HBS1L: variants seen among roughly 807,000 people sequenced by gnomAD.
The protein encoded by HBS1L is HBS1-like protein.
Under a neutral mutation model 88.9 loss-of-function variants are expected in HBS1L, and 55 were observed. The observed-to-expected ratio is 0.62, with a 90% CI of 0.50 to 0.77. HBS1L has a LOEUF of 0.77. Among genes scored for constraint, HBS1L ranks in the 30% least tolerant of loss-of-function variants. The pLI is 0.00. For synonymous variants in HBS1L, 267 were observed against 288.5 expected, an observed-to-expected ratio of 0.93 and a Z score of 0.76; for missense variants, 741 against 829.3, an observed-to-expected ratio of 0.89 and a Z score of 1.31.
intron 2 of HBS1L, 61 bp from the exon 3 acceptor site, chr6:135,042,187 A>G: frequency 2.1e-6 from 3 of 1,455,828 alleles, no homozygotes; most frequent in South Asian, 2.7e-5. Context: ...ACTTTTTTTT[A>G]CAAAAGTTAA....
At chr6:135,012,604 T>A (rs1245973879) in intron 4 of HBS1L, among the ~76,000 whole-genome samples, 2 of 152,202 alleles carry the variant, frequency 1.3e-5, no homozygotes, top group Non-Finnish European at 2.9e-5. Flanking sequence ...AGAAAAAATC[T>A]ACTTGTAAAT....
rs191735861 is a variant in HBS1L at position 134,964,977 on chromosome 6, G to A, written c.*302C>T. The A allele has an allele frequency of 2.4e-6, 1 of 413,764 alleles. No homozygotes were observed. The highest frequency in any genetic ancestry group is 2.1e-5 in the African/African-American group (1 of 47,534). 25.6% of individuals were successfully genotyped at this position (413,764 alleles called of 1,614,324 possible). On this transcript the variant is annotated 3_prime_UTR_variant, in exon 18 of 18. Transcript: ENST00000367837. ...CCAGAAGTAGAGTTCATTTCATGAT[G>A]ATTCAGTATCTTCAGATACTATTTT...
rs558584839 is a variant in HBS1L, at chr6:134,986,390, C to T, written c.1306-207G>A. Among the ~76,000 whole-genome samples the T allele has an allele frequency of 4.6e-5, 7 of 152,210 alleles. No individual in the cohort carries two copies. The South Asian group carries it at 1.4e-3, about 32-fold the overall frequency. ...GGAAACTTGCAAATTTATTCCAAAA[C>T]ATTCAAGCATTTGGTAACAAAGGCA... On this transcript the variant is annotated intron_variant, in intron 10 of 17. Coordinates refer to ENST00000367837, the MANE Select transcript of HBS1L (RefSeq NM_006620.4).
chr6:134,967,523 G>A (rs1324680667), intron 16 of HBS1L, among the ~76,000 whole-genome samples: 3 of 152,280 alleles, frequency 2.0e-5, no homozygotes, highest in Admixed American at 1.3e-4. Flanking sequence ...AAGGCCAAAC[G>A]GTTGTGCAAA....
At chr6:135,050,153 T>A (rs1777035250) in intron 2 of HBS1L, among the ~76,000 whole-genome samples, 2 of 152,364 alleles carry the variant, frequency 1.3e-5, no homozygotes, top group South Asian at 4.1e-4. Flanking sequence ...TATATTGGTT[T>A]ATTTACCAAA....
intron 3 of HBS1L, among the ~76,000 whole-genome samples, chr6:135,040,769 A>T (rs1199963696): frequency 6.6e-6 from 1 of 152,212 alleles, no homozygotes; most frequent in Non-Finnish European, 1.5e-5. Flanking sequence ...TTAATGATTT[A>T]AAATCCATAA....
intron 2 of HBS1L, among the ~76,000 whole-genome samples, chr6:135,048,692 C>T (rs1302781099): frequency 6.6e-6 from 1 of 152,194 alleles, no homozygotes; most frequent in African/African-American, 2.4e-5. Context: ...ATTATTTGTT[C>T]TATAATACCT....
chr6:135,046,251 AT>A (rs34531160), intron 2 of HBS1L, among the ~76,000 whole-genome samples: 71,142 of 151,700 alleles, frequency 0.47, 16,974 homozygotes, highest in South Asian at 0.56. Context: ...AGTCAGGGTT[AT>A]TTTCTTTACC....
intron 4 of HBS1L, among the ~76,000 whole-genome samples, chr6:135,004,028 A>G (rs1775540101): frequency 6.6e-6 from 1 of 152,192 alleles, no homozygotes; most frequent in Non-Finnish European, 1.5e-5. Context: ...AAGTACCACC[A>G]GGATTGAATC....
chr6:135,047,540 G>C (rs919576405), intron 2 of HBS1L, among the ~76,000 whole-genome samples: 11 of 152,124 alleles, frequency 7.2e-5, no homozygotes, highest in African/African-American at 2.7e-4. Flanking sequence ...CCTAGTTTCT[G>C]ACTCTTGGGT....
At chr6:135,039,473 C>T (rs955680317) in intron 4 of HBS1L, 100 bp downstream of exon 4, 11 of 965,846 alleles carry the variant, frequency 1.1e-5, no homozygotes, top group Non-Finnish European at 1.7e-5. Context: ...TTTAATAGCT[C>T]AAGCAAATTA....
chr6:134,969,513 A>C (rs1363768397), intron 15 of HBS1L, among the ~76,000 whole-genome samples, 175 bp from the exon 16 acceptor site: 1 of 152,170 alleles, frequency 6.6e-6, no homozygotes, highest in Non-Finnish European at 1.5e-5. Flanking sequence ...TAACTCACTA[A>C]GAGGAAAAAA....
intron 6 of HBS1L, 29 bp from the exon 7 acceptor site, chr6:134,996,971 C>A (rs1225655962): frequency 2.0e-6 from 3 of 1,509,324 alleles, no homozygotes; most frequent in Non-Finnish European, 2.7e-6. Flanking sequence ...GGATTAATAC[C>A]AGGTACATTT....
chr6:134,969,324 G>A lies in HBS1L; in HGVS notation c.1812C>T (p.Tyr604=). The A allele has an allele frequency of 3.1e-6, 5 of 1,611,040 alleles. No individual in the cohort carries two copies. Among genetic ancestry groups the A allele is most frequent in the Non-Finnish European group, 4.2e-6 (5 of 1,177,348 alleles). Residue 604 remains tyrosine, a synonymous_variant, in exon 16 of 18, where the codon TAC becomes TAT. Coordinates refer to ENST00000367837, the MANE Select transcript of HBS1L (RefSeq NM_006620.4). ...ITKGFPVLLH[Y]QTVSEPAVIK... ...TAACGGCGGGTTCACTGACAGTTTG[G>A]TAGTGTAACAGCACCTAAAACAAAA...
intron 17 of HBS1L, among the ~76,000 whole-genome samples, chr6:134,965,696 T>C (rs1774292981): frequency 6.6e-6 from 1 of 152,198 alleles, no homozygotes; most frequent in African/African-American, 2.4e-5. Context: ...AGAAATGCAT[T>C]TATGCCGCTA....
At chr6:135,018,327 C>T (rs1334168687) in intron 4 of HBS1L, among the ~76,000 whole-genome samples, 1 of 152,030 alleles carries the variant, frequency 6.6e-6, no homozygotes, top group African/African-American at 2.4e-5. Flanking sequence ...TATTTTCTCA[C>T]TTTAAAGCAG....
chr6:135,041,864 C>T, intron 3 of HBS1L, 137 bp downstream of exon 3: 1 of 672,716 alleles, frequency 1.5e-6, no homozygotes, highest in Non-Finnish European at 2.3e-6. Flanking sequence ...AAAACATAAA[C>T]TGTCCTTGAA....
intron 8 of HBS1L, among the ~76,000 whole-genome samples, chr6:134,993,120 C>G (rs1332696432): frequency 6.6e-6 from 1 of 152,070 alleles, no homozygotes; most frequent in Non-Finnish European, 1.5e-5. Flanking sequence ...TCCATGTAGC[C>G]TAGGTGTATA....
At chr6:135,013,854 T>A (rs1324486124) in intron 4 of HBS1L, among the ~76,000 whole-genome samples, 5 of 152,224 alleles carry the variant, frequency 3.3e-5, no homozygotes. Flanking sequence ...GTATTTGGTA[T>A]CTAGATTACT....
Sources: gnomAD v4.1 joint callset for allele counts (sites outside exome capture counted in the v4.1 genomes callset) on GRCh38, gnomAD v4.1.1 for gene constraint, MANE v1.5 for transcripts, NCBI Gene and HGNC (gene_info 2026-07-23, HGNC 2026-07-21) for gene names.